Variants in GRIN2A observed in about 807,000 individuals in gnomAD.
The protein encoded by GRIN2A is glutamate ionotropic receptor NMDA type subunit 2A.
GRIN2A carries 22 observed loss-of-function variants against 113.4 expected under a neutral mutation model. The observed-to-expected ratio is 0.19, with a 90% CI of 0.14 to 0.28. The LOEUF is 0.28. Among genes scored for constraint, GRIN2A ranks in the 10% least tolerant of loss-of-function variants. The probability of loss-of-function intolerance (pLI) is 1.00; values close to 1 mark genes in which losing one functional copy is unlikely to be tolerated. For synonymous variants in GRIN2A, 827 were observed against 738.4 expected (o/e 1.12, Z -1.94); for missense variants, 1,502 against 1,887.0 (o/e 0.80, Z 3.78).
In GRIN2A at chr16:10,073,142, G is replaced by C. The variant is rs2218664; in HGVS notation, c.414+106856C>G. 4.3e-3 allele frequency among the ~76,000 whole-genome samples: 656 copies of C among 152,010 alleles called. 1 individual carries two copies. Among genetic ancestry groups the C allele is most frequent in the Middle Eastern group, 0.014 (4 of 294 alleles). ...GGCTAGTTTTTGTATTGTTAGTAGAGATGGGGTTTCACCATGTTGGCCAAG... is the reference window on the plus strand; with the variant it reads ...GGCTAGTTTTTGTATTGTTAGTAGACATGGGGTTTCACCATGTTGGCCAAG... On this transcript the variant is annotated intron_variant, in intron 2 of 12. Coordinates refer to ENST00000330684, the MANE Select transcript of GRIN2A (RefSeq NM_001134407.3).
At chr16:9,873,552 C>T (rs1471738310) in intron 4 of GRIN2A, among the ~76,000 whole-genome samples, 2 of 148,858 alleles carry the variant, frequency 1.3e-5, no homozygotes, top group Non-Finnish European at 3.0e-5. Flanking sequence ...AAAACAACAA[C>T]AACAACAACA....
Position 9,840,675 on chromosome 16 carries a change from A to C in GRIN2A, c.1623T>G (p.Asn541Lys), listed in dbSNP as rs2141342136. The C allele has an allele frequency of 6.2e-7, 1 of 1,613,914 alleles. No homozygotes were observed. Among genetic ancestry groups the C allele is most frequent in the Non-Finnish European group, 8.5e-7 (1 of 1,179,898 alleles). The change falls in exon 7 of 13, where the codon AAT becomes AAG. Residue 541 changes from asparagine (N) to lysine (K), a missense_variant. Physicochemically the swap from Asn to Lys is moderately conservative, Grantham distance 94. Around this residue, in one of 7 missense-constraint regions of GRIN2A, gnomAD observed 82 missense variants for 222.7 expected, o/e 0.37. Transcript: ENST00000330684. ...TGISVMVSRS[N>K]GTVSPSAFLE... ...GAAAAGCAGAAGGTGAGACGGTGCC[A>C]TTACTTCTTGAAACCATGACACTGA...
chr16:9,814,187 T>C (rs1288713241), intron 10 of GRIN2A, among the ~76,000 whole-genome samples: 1 of 152,234 alleles, frequency 6.6e-6, no homozygotes, highest in Non-Finnish European at 1.5e-5. Context: ...TATGCACATA[T>C]GTAATATCTA....
At chr16:9,937,042 T>C (rs73504610) in intron 3 of GRIN2A, among the ~76,000 whole-genome samples, 2,115 of 152,286 alleles carry the variant, frequency 0.014, 49 homozygotes, top group African/African-American at 0.048. Context: ...GTATAAAGAT[T>C]ATCACAGCTG....
intron 2 of GRIN2A, among the ~76,000 whole-genome samples, chr16:9,968,758 C>T (rs7197048): frequency 0.09 from 13,613 of 151,948 alleles, 684 homozygotes; most frequent in African/African-American, 0.1. Flanking sequence ...TAGGTGGGCA[C>T]CACCACACCC....
chr16:10,113,547 A>G (rs1259104404), intron 2 of GRIN2A, among the ~76,000 whole-genome samples: 1 of 152,238 alleles, frequency 6.6e-6, no homozygotes, highest in Non-Finnish European at 1.5e-5. Context: ...ACATTTTGGG[A>G]TCACAGTTAC....
chr16:9,907,198 A>G (rs1375916518), intron 3 of GRIN2A, among the ~76,000 whole-genome samples: 4 of 152,214 alleles, frequency 2.6e-5, no homozygotes, highest in African/African-American at 9.6e-5. Flanking sequence ...GATTATAAAC[A>G]TTTGTGCACA....
At chr16:9,940,017 TGAGAGAGA>T (rs71402418) in intron 2 of GRIN2A, among the ~76,000 whole-genome samples, 4 of 134,364 alleles carry the variant, frequency 3.0e-5, no homozygotes, top group Non-Finnish European at 4.9e-5. Context: ...GGGATTCCAC[TGAGAGAGA>T]GAGAGAGAGA....
chr16:10,061,476 C>T (rs889668523), intron 2 of GRIN2A, among the ~76,000 whole-genome samples: 1 of 152,182 alleles, frequency 6.6e-6, no homozygotes, highest in Non-Finnish European at 1.5e-5. Flanking sequence ...CCTTTACATA[C>T]TCATTTCCAC....
chr16:10,055,093 G>C (rs201552940), intron 2 of GRIN2A, among the ~76,000 whole-genome samples: 1 of 46,340 alleles, frequency 2.2e-5, no homozygotes, highest in Non-Finnish European at 3.7e-5. Context: ...AAAGAAAAAA[G>C]AAAGAAAGAA....
At chr16:9,857,192 G>A (rs1046297169) in intron 4 of GRIN2A, among the ~76,000 whole-genome samples, 1 of 152,104 alleles carries the variant, frequency 6.6e-6, no homozygotes, top group African/African-American at 2.4e-5. Flanking sequence ...GGAGCCTAAG[G>A]CAATATTACA....
chr16:10,088,819 C>T (rs974659138), intron 2 of GRIN2A, among the ~76,000 whole-genome samples: 3 of 152,206 alleles, frequency 2.0e-5, no homozygotes, highest in African/African-American at 7.2e-5. Flanking sequence ...CCATCCATCT[C>T]GCAAGAAAAG....
intron 2 of GRIN2A, among the ~76,000 whole-genome samples, chr16:9,985,863 A>T (rs891231063): frequency 6.6e-6 from 1 of 152,200 alleles, no homozygotes; most frequent in Non-Finnish European, 1.5e-5. Context: ...AACACAAAGA[A>T]AGGGTAAATG....
intron 2 of GRIN2A, among the ~76,000 whole-genome samples, chr16:10,167,270 T>C (rs1291835973): frequency 6.6e-6 from 1 of 152,138 alleles, no homozygotes; most frequent in African/African-American, 2.4e-5. Context: ...CTTCATTAGA[T>C]TTTAAAGTGG....
At chr16:9,914,752 T>C (rs925108358) in intron 3 of GRIN2A, among the ~76,000 whole-genome samples, 3 of 151,650 alleles carry the variant, frequency 2.0e-5, no homozygotes, top group South Asian at 2.1e-4. Context: ...CTGGATATGA[T>C]AGCAGCAGTT....
chr16:9,987,204 A>T (rs1338795268), intron 2 of GRIN2A, among the ~76,000 whole-genome samples: 1 of 152,242 alleles, frequency 6.6e-6, no homozygotes, highest in African/African-American at 2.4e-5. Context: ...GAAAAAACAG[A>T]ATCTAACCCT....
chr16:10,097,943 G>A (rs953159886), intron 2 of GRIN2A, among the ~76,000 whole-genome samples: 5 of 152,274 alleles, frequency 3.3e-5, no homozygotes, highest in Admixed American at 2.6e-4. Flanking sequence ...CAAATAGGCG[G>A]TACTTAATTA....
At chr16:10,153,707 T>C (rs2049630807) in intron 2 of GRIN2A, among the ~76,000 whole-genome samples, 1 of 152,070 alleles carries the variant, frequency 6.6e-6, no homozygotes. Context: ...TACCAAACAA[T>C]CTTTGTTTGG....
chr16:9,914,733 C>T (rs952673234), intron 3 of GRIN2A, among the ~76,000 whole-genome samples: 3 of 151,914 alleles, frequency 2.0e-5, no homozygotes, highest in South Asian at 2.1e-4. Context: ...GCTATAACAG[C>T]TTAATCACCT....
Sources: gnomAD v4.1 joint callset for allele counts (sites outside exome capture counted in the v4.1 genomes callset) on GRCh38, gnomAD v4.1.1 for gene constraint, gnomAD v4.1.1 regional missense constraint, MANE v1.5 for transcripts, NCBI Gene and HGNC (gene_info 2026-07-23, HGNC 2026-07-21) for gene names.